TPM2: variants seen among roughly 807,000 people sequenced by gnomAD.
TPM2 encodes the protein tropomyosin beta chain.
A neutral mutation model predicts 41.0 loss-of-function variants in TPM2; 26 were observed. That is an observed-to-expected ratio of 0.63 (90% CI 0.46 to 0.88). TPM2 has a LOEUF of 0.88. Ranked by LOEUF, TPM2 falls within the 40% of genes least tolerant of loss-of-function variation. The probability of loss-of-function intolerance (pLI) is 0.00; values close to 1 mark genes in which losing one functional copy is unlikely to be tolerated. For synonymous variants in TPM2, 143 were observed against 139.3 expected, an observed-to-expected ratio of 1.03 and a Z score of -0.19; for missense variants, 187 against 355.2, an observed-to-expected ratio of 0.53 and a Z score of 3.81.
intron 8 of TPM2, among the ~76,000 whole-genome samples, chr9:35,683,508 A>G (rs1226002007): frequency 2.0e-5 from 3 of 152,128 alleles, no homozygotes; most frequent in African/African-American, 7.2e-5. Context: ...CTGTGTGTAC[A>G]ATGCTCTCGA....
At chr9:35,682,252 T>C, downstream of TPM2, 2 of 1,396,014 alleles carry the variant, frequency 1.4e-6, no homozygotes. Flanking sequence ...CATATAGACA[T>C]GGAGTGGGTC....
upstream of TPM2, chr9:35,690,051 G>A (rs1825171831): frequency 5.2e-6 from 7 of 1,351,620 alleles, no homozygotes; most frequent in South Asian, 4.6e-5. Flanking sequence ...CGGGGGGTGC[G>A]GCCGCCCCCT....
At chr9:35,684,892 G>C (rs968970582) in intron 5 of TPM2, 85 bp from the exon 6 acceptor site, 1 of 1,612,496 alleles carries the variant, frequency 6.2e-7, no homozygotes, top group Non-Finnish European at 8.5e-7. Context: ...GGGACGGGTG[G>C]AGGAGAGAAG....
chr9:35,686,567 C>T (rs2756895), intron 2 of TPM2: 64,900 of 148,818 alleles, frequency 0.44, 15,339 homozygotes, highest in Admixed American at 0.54. Context: ...CCAGCTACTC[C>T]GAAGGCTAAG....
Position 35,683,126 on chromosome 9 carries a change from A to G in TPM2, c.*33T>C. 1 of 1,551,918 alleles carries G rather than the reference A, an allele frequency of 6.4e-7. No individual in the cohort carries two copies. Among genetic ancestry groups the G allele is most frequent in the Admixed American group, 2.0e-5 (1 of 51,032 alleles). On this transcript the variant is annotated 3_prime_UTR_variant, in exon 9 of 9. Coordinates refer to ENST00000645482, the MANE Select transcript of TPM2 (RefSeq NM_003289.4). ...AGAGAGAATGGAAAGGAGAGGAGAGAAGAGAGCTGAGGTGGCCACGCTGGC... is the reference window on the plus strand; with the variant it reads ...AGAGAGAATGGAAAGGAGAGGAGAGGAGAGAGCTGAGGTGGCCACGCTGGC...
chr9:35,684,743 G>A lies in TPM2; in HGVS notation c.628C>T (p.Gln210Ter), dbSNP rs199476154. ...VTNNLKSLEAQADKYSTKEDK... is the reference protein window; with the variant it reads ...VTNNLKSLEA ...CTGCTCCCCTCTACCTTGTCCGCCT[G>A]GGCCTCCAGGGATTTCAAGTTGTTG... is the stretch of plus-strand genomic sequence containing the variant. The change falls in exon 6 of 9, where the codon CAG becomes TAG. Residue 210 changes from glutamine to a stop codon, truncating the protein, a stop_gained. Transcript: ENST00000645482. LOFTEE classifies it high-confidence loss of function. The A allele has an allele frequency of 1.9e-6, 3 of 1,614,064 alleles. No individual in the cohort carries two copies. The highest frequency in any genetic ancestry group is 2.5e-6 in the Non-Finnish European group (3 of 1,180,016).
chr9:35,682,936 G>A lies in TPM2; in HGVS notation c.*223C>T. On this transcript the variant is annotated 3_prime_UTR_variant, in exon 9 of 9. Coordinates refer to ENST00000645482, the MANE Select transcript of TPM2 (RefSeq NM_003289.4). ...GGCAGGAAAACAGCATGGAGACCAA[G>A]TTCAGAATTTATTAAGCAGCAAAGG... The A allele has an allele frequency of 6.6e-7, 1 of 1,504,016 alleles. No individual in the cohort carries two copies. The highest frequency in any genetic ancestry group is 2.5e-5 in the East Asian group (1 of 40,002). 93.2% of individuals were successfully genotyped at this position (1,504,016 alleles called of 1,614,324 possible).
Position 35,685,765 on chromosome 9 carries a change from C to A in TPM2, c.256G>T (p.Ala86Ser). Residue 86 changes from alanine (A) to serine (S), a missense_variant, in exon 3 of 9, where the codon GCC becomes TCC. Coordinates refer to ENST00000645482, the MANE Select transcript of TPM2 (RefSeq NM_003289.4). This position sits in a 1 kb window ranked among gnomAD's most constrained non-coding sequence, Gnocchi z 5.0. ...AGCTGAATGCGGCGGTTCAGGGAGG[C>A]CACATCTGCCTCAGCCTGTGGGTCA... Reference protein sequence around the residue: ...KKATDAEADVASLNRRIQLVE... With the variant: ...KKATDAEADVSSLNRRIQLVE... 6.2e-7 allele frequency: 1 copy of A among 1,614,194 alleles called. No individual in the cohort carries two copies. Among genetic ancestry groups the A allele is most frequent in the Non-Finnish European group, 8.5e-7 (1 of 1,180,050 alleles).
chr9:35,684,847 C>A, intron 5 of TPM2, 40 bp from the exon 6 acceptor site: 2 of 1,612,956 alleles, frequency 1.2e-6, no homozygotes, highest in Non-Finnish European at 1.7e-6. Flanking sequence ...GGTGTGAGGG[C>A]ACAGCGAAGC....
downstream of TPM2, chr9:35,682,848 T>C (rs1217609048): frequency 7.0e-7 from 1 of 1,424,392 alleles, no homozygotes; most frequent in African/African-American, 1.4e-5. Context: ...GGGGTGTCAG[T>C]AAGTGCCAGG....
At position 35,683,128 on chromosome 9, in the gene TPM2, G is replaced by A. The variant is rs939385396; in HGVS notation, c.*31C>T. ...AGAGAATGGAAAGGAGAGGAGAGAA[G>A]AGAGCTGAGGTGGCCACGCTGGCGT... is the stretch of plus-strand genomic sequence containing the variant. On this transcript the variant is annotated 3_prime_UTR_variant, in exon 9 of 9. Coordinates refer to ENST00000645482, the MANE Select transcript of TPM2 (RefSeq NM_003289.4). 11 of 1,551,898 alleles carry A rather than the reference G, an allele frequency of 7.1e-6. No individual in the cohort carries two copies. The African/African-American group carries it at 1.4e-4, about 19-fold the overall frequency.
At chr9:35,682,475 C>G (rs1478889382), downstream of TPM2, 24 of 1,300,256 alleles carry the variant, frequency 1.8e-5, no homozygotes, top group Non-Finnish European at 2.3e-5. Flanking sequence ...ACAAAGACTG[C>G]GCCAGGAAAG....
At chr9:35,686,438 C>G (rs1215574986) in intron 2 of TPM2, 1 of 155,758 alleles carries the variant, frequency 6.4e-6, no homozygotes, top group Non-Finnish European at 1.4e-5. Flanking sequence ...ACAGCAAAGC[C>G]TGGCCCAGGT....
At chr9:35,682,357 C>T (rs1021609508), downstream of TPM2, 13 of 958,354 alleles carry the variant, frequency 1.4e-5, no homozygotes, top group East Asian at 2.9e-4. Flanking sequence ...GACGTGGATG[C>T]CTCACTCAAG....
At chr9:35,682,240 G>A (rs1824605324), downstream of TPM2, 3 of 1,454,986 alleles carry the variant, frequency 2.1e-6, no homozygotes, top group African/African-American at 2.8e-5. Flanking sequence ...AGGGGAAGGT[G>A]ACATATAGAC....
At chr9:35,690,033 G>C, upstream of TPM2, 3 of 1,378,484 alleles carry the variant, frequency 2.2e-6, no homozygotes, top group South Asian at 1.5e-5. Flanking sequence ...GCAGAAGCAC[G>C]GCCCGGCCGG....
At position 35,689,833 on chromosome 9, in the gene TPM2, T is replaced by G; in HGVS notation, c.-16A>C. 3 of 1,611,930 alleles carry G rather than the reference T, an allele frequency of 1.9e-6. No individual in the cohort carries two copies. The highest frequency in any genetic ancestry group is 1.7e-6 in the Non-Finnish European group (2 of 1,178,856). ...TGGCGTCCATGGCTGCGGTGGGGGG[T>G]GGGCCGGCCGGCAGGCGGTGAGGAC... is the stretch of plus-strand genomic sequence containing the variant. On this transcript the variant is annotated 5_prime_UTR_variant, in exon 1 of 9. Coordinates refer to ENST00000645482, the MANE Select transcript of TPM2 (RefSeq NM_003289.4).
chr9:35,682,481 G>A, downstream of TPM2: 2 of 1,298,762 alleles, frequency 1.5e-6, no homozygotes, highest in African/African-American at 1.5e-5. Flanking sequence ...ACTGCGCCAG[G>A]AAAGGAAGGG....
At position 35,685,896 on chromosome 9, in the gene TPM2, G is replaced by A. The variant is rs937112069; in HGVS notation, c.241-116C>T. 1.3e-6 allele frequency: 2 copies of A among 1,528,414 alleles called. No homozygotes were observed. The highest frequency in any genetic ancestry group is 2.7e-5 in the African/African-American group (2 of 72,734). The allele number at this position is 1,528,414 out of a possible 1,614,324, so 94.7% of individuals were successfully genotyped here. On this transcript the variant is annotated intron_variant, in intron 2 of 8. Transcript: ENST00000645482. The surrounding 1 kb of genome is among the most constrained non-coding windows in gnomAD (Gnocchi z 5.0). ...AAGAACTGAGGCTTCCTGGTTTCTA[G>A]ACATTCTATGTGATTTTTCCCCAAC...
Sources: gnomAD v4.1 joint callset for allele counts (sites outside exome capture counted in the v4.1 genomes callset) on GRCh38, gnomAD v4.1.1 for gene constraint, Gnocchi (gnomAD v3.1) non-coding constraint, MANE v1.5 for transcripts, NCBI Gene and HGNC (gene_info 2026-07-23, HGNC 2026-07-21) for gene names.